Variants in PBX1 observed in about 807,000 individuals in gnomAD.
PBX1 encodes pre-B-cell leukemia transcription factor 1.
Under a neutral mutation model 53.4 loss-of-function variants are expected in PBX1, and 6 were observed. The ratio of observed to expected loss-of-function variants is 0.11; its 90% confidence interval spans 0.06 to 0.22. PBX1 has a LOEUF of 0.22. Among genes scored for constraint, PBX1 ranks in the 10% least tolerant of loss-of-function variants. PBX1 has a pLI of 1.00. For missense variants in PBX1, 251 were observed against 551.4 expected, an observed-to-expected ratio of 0.46 and a Z score of 5.46; for synonymous variants, 204 against 212.3, an observed-to-expected ratio of 0.96 and a Z score of 0.34.
At chr1:164,661,979 A>T (rs1660517095) in intron 2 of PBX1, among the ~76,000 whole-genome samples, 1 of 152,174 alleles carries the variant, frequency 6.6e-6, no homozygotes, top group Non-Finnish European at 1.5e-5. Context: ...AGTACTTTCC[A>T]AATCCTAACA....
At chr1:164,675,508 C>T (rs531243109) in intron 2 of PBX1, among the ~76,000 whole-genome samples, 132 of 152,282 alleles carry the variant, frequency 8.7e-4, no homozygotes, top group Admixed American at 2.5e-3. Context: ...TGCCTAGCAC[C>T]GCCCAGGCCT....
At chr1:164,827,248 A>G (rs963628047) in intron 8 of PBX1, among the ~76,000 whole-genome samples, 4 of 152,236 alleles carry the variant, frequency 2.6e-5, no homozygotes, top group Non-Finnish European at 5.9e-5. Flanking sequence ...ACTGAGGGTA[A>G]TAATTAAAAT....
intron 2 of PBX1, among the ~76,000 whole-genome samples, chr1:164,878,547 A>T (rs1672569770): frequency 6.6e-6 from 1 of 152,110 alleles, no homozygotes; most frequent in South Asian, 2.1e-4. Context: ...TGAGATGGAG[A>T]GGTAGTAGAA....
intron 2 of PBX1, among the ~76,000 whole-genome samples, chr1:164,578,231 C>G (rs1654388692): frequency 6.6e-6 from 1 of 152,060 alleles, no homozygotes; most frequent in Non-Finnish European, 1.5e-5. Context: ...GCATGTTGCC[C>G]TTTGTAAGTA....
At position 164,613,849 on chromosome 1, in the gene PBX1, T is replaced by C. The variant is rs113942782; in HGVS notation, c.265+50538T>C. Among the ~76,000 whole-genome samples, 904 of 152,226 alleles carry C rather than the reference T, an allele frequency of 5.9e-3. 11 individuals carry two copies. Among genetic ancestry groups the C allele is most frequent in the African/African-American group, 0.021 (857 of 41,544 alleles). ...AGCATGCTCTAAGCTGGACTTTACC[T>C]GGGGGCTGCAGGTAGATTGCCCCTT... On this transcript the variant is annotated intron_variant, in intron 2 of 8. Coordinates refer to ENST00000420696, the MANE Select transcript of PBX1 (RefSeq NM_002585.4).
Position 164,848,121 on chromosome 1 carries a change from A to T in PBX1, c.*1445A>T. The T allele has an allele frequency of 9.5e-7, 1 of 1,051,322 alleles. No individual in the cohort carries two copies. The highest frequency in any genetic ancestry group is 1.1e-6 in the Non-Finnish European group (1 of 870,514). The allele number at this position is 1,051,322 out of a possible 1,614,324, so 65.1% of individuals were successfully genotyped here. A position where few individuals can be genotyped will look rare whatever the true frequency, so the allele number is the denominator to read the frequency against. ...GCTAGCTTCATTTGAGGACCTGAGA[A>T]TCATGGGGAAAGGGAAGGTAATGTT... On this transcript the variant is annotated 3_prime_UTR_variant, in exon 9 of 9. Transcript: ENST00000420696.
chr1:164,815,083 T>C (rs1669816487), intron 6 of PBX1: 1 of 152,318 alleles, frequency 6.6e-6, no homozygotes, highest in Non-Finnish European at 1.5e-5. Context: ...TAGGGGCCAG[T>C]TGAAGCACTG....
intron 2 of PBX1, among the ~76,000 whole-genome samples, chr1:164,774,942 C>T (rs10800047): frequency 0.21 from 32,157 of 152,108 alleles, 3,584 homozygotes; most frequent in South Asian, 0.26. Flanking sequence ...TCCTCCTCTG[C>T]GTTCGGAAAA....
chr1:164,864,067 C>A (rs1198265085), intron 2 of PBX1, among the ~76,000 whole-genome samples: 1 of 152,152 alleles, frequency 6.6e-6, no homozygotes, highest in Non-Finnish European at 1.5e-5. Flanking sequence ...AGAAAAATGA[C>A]CCTAAGTGAT....
chr1:164,576,064 AG>A (rs1253476195), intron 2 of PBX1, among the ~76,000 whole-genome samples: 6 of 152,256 alleles, frequency 3.9e-5, no homozygotes, highest in Non-Finnish European at 7.3e-5. Context: ...CAGACCACGT[AG>A]AAAAGAGAAA....
Position 164,787,831 on chromosome 1 carries a change from C to T in PBX1, c.266-4663C>T, listed in dbSNP as rs558639702. On this transcript the variant is annotated intron_variant, in intron 2 of 8. Transcript: ENST00000420696. ...ATCACCTACCTGTCTCAACTGGTCT[C>T]TTCCATAATTGGGTGGATTTGTGGG... is the stretch of plus-strand genomic sequence containing the variant. The T allele has an allele frequency of 3.9e-5, 6 of 152,320 alleles. No homozygotes were observed. In the East Asian group the frequency reaches 9.7e-4, roughly 25 times the overall value. The allele number at this position is 152,320 out of a possible 1,614,324, so 9.4% of individuals were successfully genotyped here. A position where few individuals can be genotyped will look rare whatever the true frequency, so the allele number is the denominator to read the frequency against.
At chr1:164,601,801 G>A (rs928071512) in intron 2 of PBX1, among the ~76,000 whole-genome samples, 1 of 152,088 alleles carries the variant, frequency 6.6e-6, no homozygotes, top group Non-Finnish European at 1.5e-5. Flanking sequence ...TTAGCCTGTG[G>A]GATTAACTTT....
chr1:164,595,556 G>A (rs987192280), intron 2 of PBX1, among the ~76,000 whole-genome samples: 3 of 151,466 alleles, frequency 2.0e-5, no homozygotes, highest in African/African-American at 7.3e-5. Context: ...CCCACTTTTG[G>A]CATGATTCAT....
intron 2 of PBX1, among the ~76,000 whole-genome samples, chr1:164,882,363 T>G (rs1307455504): frequency 6.6e-6 from 1 of 152,206 alleles, no homozygotes; most frequent in Non-Finnish European, 1.5e-5. Context: ...TGGCTTCATT[T>G]TTTCTTGATT....
At chr1:164,799,647 C>T (rs535743801) in intron 3 of PBX1, 52 bp from the exon 4 acceptor site, 6 of 1,521,780 alleles carry the variant, frequency 3.9e-6, no homozygotes, top group African/African-American at 1.4e-5. Flanking sequence ...AGACTTGATG[C>T]GTGTTGAGGC....
intron 2 of PBX1, among the ~76,000 whole-genome samples, chr1:164,578,748 A>C (rs1045916057): frequency 6.6e-6 from 1 of 152,216 alleles, no homozygotes; most frequent in Non-Finnish European, 1.5e-5. Context: ...CTGGTGATAC[A>C]TGCAGAAGCA....
At chr1:164,686,830 G>A (rs558245552) in intron 2 of PBX1, among the ~76,000 whole-genome samples, 6 of 152,026 alleles carry the variant, frequency 3.9e-5, no homozygotes, top group East Asian at 3.9e-4. Flanking sequence ...GGTGGCGGGC[G>A]CCTGTAGTCC....
chr1:164,815,988 A>T (rs1047641471), intron 6 of PBX1: 2 of 152,210 alleles, frequency 1.3e-5, no homozygotes, highest in Non-Finnish European at 2.9e-5. Context: ...AGAAGGTAAC[A>T]CATACAGAGA....
At position 164,846,569 on chromosome 1, in the gene PBX1, CT is replaced by C; in HGVS notation, c.1201-10del. On this transcript the variant is annotated splice_polypyrimidine_tract_variant and intron_variant, in intron 8 of 8. Coordinates refer to ENST00000420696, the MANE Select transcript of PBX1 (RefSeq NM_002585.4). The stretch of plus-strand genomic sequence containing the variant: ...AATCTCAGAGGACTGACTTCTCTCC[CT>C]TTTTCCCTTCTAGGCTAATGGAGGT... The C allele has an allele frequency of 1.2e-6, 2 of 1,613,078 alleles. No homozygotes were observed. Among genetic ancestry groups the C allele is most frequent in the Non-Finnish European group, 1.7e-6 (2 of 1,179,058 alleles).
Sources: allele counts gnomAD v4.1 joint callset (sites outside exome capture counted in the v4.1 genomes callset), GRCh38; gene constraint gnomAD v4.1.1; transcripts MANE v1.5; gene names NCBI Gene and HGNC (gene_info 2026-07-23, HGNC 2026-07-21).